The following GRM3 variants were observed in gnomAD, a reference collection of about 807,000 sequenced individuals.
GRM3 encodes the protein metabotropic glutamate receptor 3.
A neutral mutation model predicts 70.5 loss-of-function variants in GRM3; 26 were observed. The ratio of observed to expected loss-of-function variants is 0.37; its 90% CI spans 0.27 to 0.51. The LOEUF (loss-of-function observed/expected upper bound fraction) is 0.51, where lower values mean the gene tolerates loss of function less well. GRM3 is among the 20% of genes least tolerant of loss of function. GRM3 has a pLI of 0.93. For synonymous variants in GRM3, 443 were observed against 434.9 expected (o/e 1.02, Z -0.23); for missense variants, 859 against 1,123.8 (o/e 0.76, Z 3.37).
At chr7:86,805,638 CCA>C (rs1797774619) in intron 3 of GRM3, among the ~76,000 whole-genome samples, 2 of 152,160 alleles carry the variant, frequency 1.3e-5, no homozygotes, top group South Asian at 4.1e-4. Context: ...TTCACTGTCT[CCA>C]CAGTTTTGCC....
chr7:86,838,801 C>T (rs367616956), intron 3 of GRM3, 38 bp from the exon 4 acceptor site: 4 of 1,204,622 alleles, frequency 3.3e-6, no homozygotes, highest in Admixed American at 2.0e-5. Flanking sequence ...GACACCTAAA[C>T]AAGTGTTCTT....
At chr7:86,687,780 T>G (rs1487859803) in intron 1 of GRM3, among the ~76,000 whole-genome samples, 1 of 151,894 alleles carries the variant, frequency 6.6e-6, no homozygotes, top group African/African-American at 2.4e-5. Context: ...AGAAATATAT[T>G]GTAAGGCTAG....
At chr7:86,679,019 G>T (rs917572601) in intron 1 of GRM3, among the ~76,000 whole-genome samples, 1 of 152,042 alleles carries the variant, frequency 6.6e-6, no homozygotes, top group African/African-American at 2.4e-5. Flanking sequence ...AGACTGTGTA[G>T]ATTGATGAAT....
chr7:86,676,732 A>G lies in GRM3; in HGVS notation c.-141+31860A>G, dbSNP rs148870062. 3.5e-3 allele frequency among the ~76,000 whole-genome samples: 536 copies of G among 152,150 alleles called. 4 individuals carry two copies. The highest frequency in any genetic ancestry group is 0.012 in the African/African-American group (509 of 41,558). ...TTTGGGAGGGTAAGCATAAAGGAAAAGAAACAAATACTGTAGGAAGTTGGG... is the reference window on the plus strand; with the variant it reads ...TTTGGGAGGGTAAGCATAAAGGAAAGGAAACAAATACTGTAGGAAGTTGGG... On this transcript the variant is annotated intron_variant, in intron 1 of 5. Coordinates refer to ENST00000361669, the MANE Select transcript of GRM3 (RefSeq NM_000840.3).
Position 86,864,297 on chromosome 7 carries a change from A to G in GRM3, c.2582A>G (p.Tyr861Cys), listed in dbSNP as rs1216130985. The G allele has an allele frequency of 1.9e-6, 3 of 1,593,188 alleles. No individual in the cohort carries two copies. The highest frequency in any genetic ancestry group is 2.6e-6 in the Non-Finnish European group (3 of 1,161,124). ...TTYSQSSAST[Y>C]VPTVCNGREV... ...TGTTTTCCAGCCTCTGCAAGCACGT[A>G]TGTGCCAACGGTGTGCAATGGGCGG... is the stretch of plus-strand genomic sequence containing the variant. The change falls in exon 6 of 6, where the codon TAT becomes TGT. Residue 861 changes from tyrosine (Y) to cysteine (C), a missense_variant. Physicochemically the swap from Tyr to Cys is radical, Grantham distance 194. Transcript: ENST00000361669.
In GRM3 at chr7:86,786,243, T is replaced by TTC. The variant is rs1361356399; in HGVS notation, c.469-16_469-15dup. Reference sequence around the variant, plus strand: ...ACCTCGGGGTTTCTAACAAAGGTCCTTCTTCTCCCTCCCCTAGGTGGCAAA... The same window carrying TTC: ...ACCTCGGGGTTTCTAACAAAGGTCCTTCTCTTCTCCCTCCCCTAGGTGGCAAA... On this transcript the variant is annotated splice_polypyrimidine_tract_variant and intron_variant, in intron 2 of 5. Coordinates refer to ENST00000361669, the MANE Select transcript of GRM3 (RefSeq NM_000840.3). The surrounding 1 kb of genome is among the most constrained non-coding windows in gnomAD (Gnocchi z 6.0). 6.3e-7 allele frequency: 1 copy of TTC among 1,597,128 alleles called. No homozygotes were observed. Among genetic ancestry groups the TTC allele is most frequent in the Non-Finnish European group, 8.5e-7 (1 of 1,170,868 alleles).
intron 4 of GRM3, among the ~76,000 whole-genome samples, chr7:86,841,001 A>C (rs1207302231): frequency 6.6e-6 from 1 of 152,172 alleles, no homozygotes; most frequent in African/African-American, 2.4e-5. Flanking sequence ...CTTAAAAATC[A>C]CTGAGGGTCA....
chr7:86,737,573 C>T (rs975267018), intron 1 of GRM3, among the ~76,000 whole-genome samples: 4 of 152,256 alleles, frequency 2.6e-5, no homozygotes, highest in Admixed American at 1.3e-4. Flanking sequence ...CAATTTGTTA[C>T]GGTTATTATT....
At chr7:86,672,583 G>A (rs919924565) in intron 1 of GRM3, among the ~76,000 whole-genome samples, 1 of 151,968 alleles carries the variant, frequency 6.6e-6, no homozygotes, top group Non-Finnish European at 1.5e-5. Flanking sequence ...CCTGGGGCAG[G>A]GTTTTTTTGT....
intron 1 of GRM3, 72 bp downstream of exon 1, chr7:86,644,944 T>TG (rs1401853862): frequency 1.5e-5 from 12 of 788,066 alleles, no homozygotes; most frequent in Non-Finnish European, 7.4e-6. Context: ...GGGTGCCGCG[T>TG]GGGGCAGGCG....
chr7:86,858,451 T>C (rs1362664442), intron 5 of GRM3, among the ~76,000 whole-genome samples: 1 of 152,094 alleles, frequency 6.6e-6, no homozygotes, highest in Non-Finnish European at 1.5e-5. Flanking sequence ...GCCCCCATGA[T>C]GGGACTGATG....
chr7:86,719,212 G>C (rs1178733156), intron 1 of GRM3, among the ~76,000 whole-genome samples: 2 of 151,980 alleles, frequency 1.3e-5, no homozygotes, highest in African/African-American at 2.4e-5. Flanking sequence ...TCCAGAAAGA[G>C]AGTATGAATA....
rs2299228 is a variant in GRM3 at position 86,844,054 on chromosome 7, A to G, written c.2391+4149A>G. Among the ~76,000 whole-genome samples the G allele has an allele frequency of 3.3e-5, 5 of 152,258 alleles. No homozygotes were observed. In the East Asian group the frequency reaches 9.6e-4, roughly 29 times the overall value. On this transcript the variant is annotated intron_variant, in intron 4 of 5. Coordinates refer to ENST00000361669, the MANE Select transcript of GRM3 (RefSeq NM_000840.3). ...CATACTTGGAGTGTCAAGACTCTAG[A>G]TTCTTTTGGGGGTTGGAGCAGATGA...
At chr7:86,771,571 T>C (rs1294585486) in intron 2 of GRM3, among the ~76,000 whole-genome samples, 6 of 152,068 alleles carry the variant, frequency 3.9e-5, no homozygotes, top group Non-Finnish European at 8.8e-5. Flanking sequence ...CTATAGAACA[T>C]TATTCTATAG....
At chr7:86,662,207 C>T (rs1190708105) in intron 1 of GRM3, among the ~76,000 whole-genome samples, 1 of 151,806 alleles carries the variant, frequency 6.6e-6, no homozygotes, top group African/African-American at 2.4e-5. Context: ...GAAAACACCT[C>T]ATTAACAGAA....
chr7:86,682,086 A>T (rs1405214243), intron 1 of GRM3, among the ~76,000 whole-genome samples: 2 of 152,204 alleles, frequency 1.3e-5, no homozygotes, highest in African/African-American at 4.8e-5. Flanking sequence ...AACAATTCTT[A>T]TCCTTAAACA....
chr7:86,655,452 C>T (rs1225391035), intron 1 of GRM3, among the ~76,000 whole-genome samples: 1 of 152,070 alleles, frequency 6.6e-6, no homozygotes, highest in Non-Finnish European at 1.5e-5. Context: ...ATTTTTATTT[C>T]TCACTGCCCC....
rs2116549678 is a variant in GRM3, at chr7:86,786,979, C to T, written c.1187C>T (p.Ala396Val). ...TCCAAGATCATGTTTGTGGTGAACG[C>T]GGTGTATGCCATGGCCCACGCTTTG... ...QESKIMFVVN[A>V]VYAMAHALHK... Residue 396 changes from alanine to valine, a missense_variant, in exon 3 of 6, where the codon GCG becomes GTG. By Grantham distance (64) the Ala-to-Val change is moderately conservative. Coordinates refer to ENST00000361669, the MANE Select transcript of GRM3 (RefSeq NM_000840.3). The surrounding 1 kb of genome is among the most constrained non-coding windows in gnomAD (Gnocchi z 6.0). 1 of 1,614,118 alleles carries T rather than the reference C, an allele frequency of 6.2e-7. No homozygotes were observed. The highest frequency in any genetic ancestry group is 1.1e-5 in the South Asian group (1 of 91,086).
At chr7:86,717,990 A>G (rs147519385) in intron 1 of GRM3, among the ~76,000 whole-genome samples, 1 of 151,446 alleles carries the variant, frequency 6.6e-6, no homozygotes, top group African/African-American at 2.4e-5. Flanking sequence ...ATGTGTGTTC[A>G]TTTACTAGAG....
Sources: gnomAD v4.1 joint callset for allele counts (sites outside exome capture counted in the v4.1 genomes callset) on GRCh38, gnomAD v4.1.1 for gene constraint, Gnocchi (gnomAD v3.1) non-coding constraint, MANE v1.5 for transcripts, NCBI Gene and HGNC (gene_info 2026-07-23, HGNC 2026-07-21) for gene names.